CTNNA3: variants seen among roughly 807,000 people sequenced by gnomAD.
CTNNA3 encodes the protein catenin alpha-3.
Under a neutral mutation model 95.7 loss-of-function variants are expected in CTNNA3, and 76 were observed. The ratio of observed to expected loss-of-function variants is 0.79; its 90% CI spans 0.66 to 0.96. The LOEUF is 0.96. CTNNA3 is among the 40% of genes least tolerant of loss of function. The pLI is 0.00. For synonymous variants in CTNNA3, 431 were observed against 374.4 expected (o/e 1.15, Z -1.74); for missense variants, 1,191 against 1,089.8 (o/e 1.09, Z -1.31).
At chr10:67,393,229 T>C (rs1003044612) in intron 5 of CTNNA3, among the ~76,000 whole-genome samples, 10 of 152,128 alleles carry the variant, frequency 6.6e-5, no homozygotes, top group African/African-American at 2.4e-4. Context: ...ACAGAATACC[T>C]TATTCAGGAT....
intron 9 of CTNNA3, among the ~76,000 whole-genome samples, chr10:66,679,929 T>C (rs2132497874): frequency 6.6e-6 from 1 of 152,290 alleles, no homozygotes; most frequent in South Asian, 2.1e-4. Flanking sequence ...GAATTATTTA[T>C]GTTACTGTGA....
intron 10 of CTNNA3, among the ~76,000 whole-genome samples, chr10:66,618,776 C>A (rs1297034606): frequency 1.4e-5 from 2 of 142,624 alleles, no homozygotes; most frequent in African/African-American, 2.6e-5. Context: ...AACAGGCAAC[C>A]TACAAAATGG....
chr10:65,944,874 A>G (rs1589156264), intron 17 of CTNNA3, among the ~76,000 whole-genome samples: 1 of 147,782 alleles, frequency 6.8e-6, no homozygotes, highest in African/African-American at 2.5e-5. Context: ...CTATCTATCT[A>G]TCTATCTATC....
intron 3 of CTNNA3, among the ~76,000 whole-genome samples, chr10:67,572,378 G>GACA (rs963481051): frequency 6.6e-6 from 1 of 152,074 alleles, no homozygotes; most frequent in Non-Finnish European, 1.5e-5. Flanking sequence ...TCCCCTTAAG[G>GACA]CAACAGGTCA....
At chr10:66,398,941 A>G (rs150981365) in intron 11 of CTNNA3, among the ~76,000 whole-genome samples, 24 of 152,060 alleles carry the variant, frequency 1.6e-4, no homozygotes, top group Non-Finnish European at 2.9e-4. Context: ...CAGATTCACA[A>G]CATCTGGTCT....
Position 66,685,651 on chromosome 10 carries a change from C to T in CTNNA3, c.1282-63867G>A, listed in dbSNP as rs188854406. 1.8e-3 allele frequency among the ~76,000 whole-genome samples: 280 copies of T among 151,480 alleles called. 3 individuals are homozygous for T. The highest frequency in any genetic ancestry group is 6.5e-3 in the African/African-American group (268 of 41,240). On this transcript the variant is annotated intron_variant, in intron 9 of 17. Transcript: ENST00000433211. The stretch of plus-strand genomic sequence containing the variant: ...CCTCCCAAAGTGCTGGGATTACAGG[C>T]ATGAGACACCGCACCAGGCCAAGAA...
intron 9 of CTNNA3, among the ~76,000 whole-genome samples, chr10:66,719,837 G>T (rs1451098722): frequency 2.0e-5 from 3 of 152,096 alleles, no homozygotes; most frequent in Non-Finnish European, 4.4e-5. Context: ...CTCAATGGTA[G>T]CAGCTAGGCA....
intron 15 of CTNNA3, among the ~76,000 whole-genome samples, chr10:66,061,149 GT>G (rs2080190706): frequency 6.6e-6 from 1 of 152,070 alleles, no homozygotes. Flanking sequence ...GAGAAATCAT[GT>G]TTTCAAATCA....
At chr10:66,453,471 C>T (rs534342091) in intron 11 of CTNNA3, among the ~76,000 whole-genome samples, 10 of 152,300 alleles carry the variant, frequency 6.6e-5, no homozygotes, top group South Asian at 2.1e-4. Context: ...GCTGGAGATC[C>T]GGCCAGGGCC....
chr10:66,332,411 A>ATACGTCCATCAATACC, intron 12 of CTNNA3, among the ~76,000 whole-genome samples: 1 of 147,008 alleles, frequency 6.8e-6, no homozygotes, highest in African/African-American at 2.5e-5. Context: ...TTATTTTGAG[A>ATACGTCCATCAATACC]TAATTTATTG....
At chr10:66,464,434 C>G (rs573720819) in intron 11 of CTNNA3, among the ~76,000 whole-genome samples, 1 of 152,122 alleles carries the variant, frequency 6.6e-6, no homozygotes, top group South Asian at 2.1e-4. Flanking sequence ...GCAACTGTAT[C>G]TCAGGCAGTT....
At chr10:66,243,876 G>T (rs1472259749) in intron 13 of CTNNA3, among the ~76,000 whole-genome samples, 2 of 151,906 alleles carry the variant, frequency 1.3e-5, no homozygotes, top group East Asian at 3.9e-4. Flanking sequence ...TGGACCTTGG[G>T]TGAGACTTTG....
intron 5 of CTNNA3, among the ~76,000 whole-genome samples, chr10:67,467,472 TA>T (rs150721366): frequency 0.087 from 13,254 of 151,488 alleles, 606 homozygotes; most frequent in Non-Finnish European, 0.098. Context: ...TTGCTTTTTT[TA>T]AAAAAAAATC....
chr10:66,931,364 A>G (rs1025828351), intron 7 of CTNNA3, among the ~76,000 whole-genome samples: 3 of 152,218 alleles, frequency 2.0e-5, no homozygotes, highest in Non-Finnish European at 2.9e-5. Context: ...GTAGTTAAAT[A>G]GTCCCAGTGC....
intron 13 of CTNNA3, among the ~76,000 whole-genome samples, chr10:66,233,572 C>A (rs78706789): frequency 0.018 from 2,730 of 152,226 alleles, 93 homozygotes; most frequent in African/African-American, 0.062. Flanking sequence ...TGGTTCTCAA[C>A]TTCCATATTT....
intron 5 of CTNNA3, among the ~76,000 whole-genome samples, chr10:67,300,991 A>G (rs1192667395): frequency 6.6e-6 from 1 of 152,242 alleles, no homozygotes; most frequent in Non-Finnish European, 1.5e-5. Context: ...AATTTAAGGT[A>G]TACAACATGA....
chr10:66,768,738 A>G (rs921021672), intron 8 of CTNNA3, among the ~76,000 whole-genome samples: 2 of 152,220 alleles, frequency 1.3e-5, no homozygotes, highest in South Asian at 2.1e-4. Context: ...GAATATTACA[A>G]TAATACATTA....
intron 7 of CTNNA3, among the ~76,000 whole-genome samples, chr10:67,026,706 G>A (rs10997484): frequency 0.31 from 47,391 of 152,020 alleles, 8,609 homozygotes; most frequent in East Asian, 0.53. Flanking sequence ...AACCAGTGAC[G>A]AAAAAGTATA....
At chr10:66,039,620 G>T (rs2079640946) in intron 15 of CTNNA3, among the ~76,000 whole-genome samples, 1 of 152,074 alleles carries the variant, frequency 6.6e-6, no homozygotes, top group African/African-American at 2.4e-5. Context: ...ACAAAAACAG[G>T]CAGTGCAGAA....
Sources: allele counts gnomAD v4.1 joint callset (sites outside exome capture counted in the v4.1 genomes callset), GRCh38; gene constraint gnomAD v4.1.1; transcripts MANE v1.5; gene names NCBI Gene and HGNC (gene_info 2026-07-23, HGNC 2026-07-21).